The following CCDC171 variants were observed in gnomAD, a reference collection of about 807,000 sequenced individuals.
CCDC171 encodes coiled-coil domain-containing protein 171.
A neutral mutation model predicts 168.2 loss-of-function variants in CCDC171; 177 were observed. The observed-to-expected ratio is 1.05, with a 90% CI of 0.93 to 1.19. The LOEUF (loss-of-function observed/expected upper bound fraction) is 1.19, where lower values mean the gene tolerates loss of function less well. CCDC171 is among the 50% of genes most tolerant of loss of function. The pLI is 0.00. For synonymous variants in CCDC171, 687 were observed against 540.8 expected (o/e 1.27, Z -3.75); for missense variants, 1,991 against 1,539.0 (o/e 1.29, Z -4.91).
intron 25 of CCDC171, among the ~76,000 whole-genome samples, chr9:15,931,456 C>CTTTTTTTTTTTT (rs57124025): frequency 3.0e-3 from 136 of 44,922 alleles, no homozygotes; most frequent in Non-Finnish European, 3.5e-3. Context: ...TTCTTTCTTT[C>CTTTTTTTTTTTT]TTTTTTTTTT....
At chr9:15,599,216 A>G (rs1045414548) in intron 6 of CCDC171, among the ~76,000 whole-genome samples, 10 of 152,102 alleles carry the variant, frequency 6.6e-5, no homozygotes, top group Non-Finnish European at 1.5e-4. Context: ...TATTTTGCTC[A>G]TTAGTTGATG....
chr9:16,108,012 T>C, the CCDC171 span, among the ~76,000 whole-genome samples: 1 of 152,192 alleles, frequency 6.6e-6, no homozygotes, highest in Non-Finnish European at 1.5e-5. Context: ...AATAAAAAAA[T>C]ACATTGTTGC....
chr9:15,611,457 T>G (rs891960820), intron 6 of CCDC171, among the ~76,000 whole-genome samples: 2 of 152,178 alleles, frequency 1.3e-5, no homozygotes, highest in African/African-American at 4.8e-5. Flanking sequence ...TTAGGGAACC[T>G]TACGATGTCT....
chr9:15,878,787 C>A (rs1818208588), intron 24 of CCDC171, among the ~76,000 whole-genome samples: 1 of 152,130 alleles, frequency 6.6e-6, no homozygotes, highest in Non-Finnish European at 1.5e-5. Flanking sequence ...CCATGGAATA[C>A]TATACAACCA....
intron 24 of CCDC171, among the ~76,000 whole-genome samples, chr9:15,892,782 G>T (rs957865953): frequency 6.6e-6 from 1 of 151,984 alleles, no homozygotes; most frequent in Non-Finnish European, 1.5e-5. Context: ...AAAGAAATCA[G>T]AAAGGACACA....
chr9:15,908,663 G>C (rs1823128544), intron 24 of CCDC171, among the ~76,000 whole-genome samples: 1 of 152,100 alleles, frequency 6.6e-6, no homozygotes, highest in Admixed American at 6.6e-5. Context: ...AAAAAAAAGA[G>C]AAATATCTGA....
chr9:15,792,047 C>T (rs1430737917), intron 21 of CCDC171, among the ~76,000 whole-genome samples: 2 of 152,092 alleles, frequency 1.3e-5, no homozygotes, highest in Non-Finnish European at 2.9e-5. Flanking sequence ...GAAGTTGGAA[C>T]CCATCGCAAA....
intron 25 of CCDC171, among the ~76,000 whole-genome samples, chr9:15,950,394 A>G (rs1828993441): frequency 6.6e-6 from 1 of 152,182 alleles, no homozygotes; most frequent in South Asian, 2.1e-4. Flanking sequence ...GTTACCCACA[A>G]GAGAAGCCCA....
At chr9:15,779,742 T>C (rs2057559119) in intron 20 of CCDC171, among the ~76,000 whole-genome samples, 1 of 152,240 alleles carries the variant, frequency 6.6e-6, no homozygotes, top group Admixed American at 6.5e-5. Flanking sequence ...AAATGTTCAA[T>C]TTATCTAACG....
intron 24 of CCDC171, 196 bp downstream of exon 24, chr9:15,874,859 T>A: frequency 2.3e-6 from 1 of 441,652 alleles, no homozygotes; most frequent in Non-Finnish European, 3.6e-6. Context: ...AGAACTAGCC[T>A]ATTAAAATAA....
downstream of CCDC171, among the ~76,000 whole-genome samples, chr9:16,063,309 G>A (rs1323767211): frequency 1.3e-5 from 2 of 152,212 alleles, no homozygotes; most frequent in Admixed American, 6.5e-5. Flanking sequence ...ACTACCTGGC[G>A]GGCAGGTGGG....
In CCDC171 at chr9:16,049,488, C is replaced by T. The variant is rs541336998; in HGVS notation, n.89+6602C>T. On this transcript the variant is annotated intron_variant and non_coding_transcript_variant, in intron 1 of 1. Coordinates refer to the CCDC171 transcript ENST00000478913. ...CAGCCAGGAGCCTAAAGAGAACAAACACAGAAGGCAAACTGGTCTTTCTCT... is the reference window on the plus strand; with the variant it reads ...CAGCCAGGAGCCTAAAGAGAACAAATACAGAAGGCAAACTGGTCTTTCTCT... Among the ~76,000 whole-genome samples the T allele has an allele frequency of 7.9e-5, 12 of 152,310 alleles. No individual in the cohort carries two copies. In the East Asian group the frequency reaches 2.1e-3, roughly 27 times the overall value.
intron 11 of CCDC171, among the ~76,000 whole-genome samples, chr9:15,706,221 C>CTTCT (rs978875656): frequency 1.9e-4 from 28 of 145,148 alleles, no homozygotes; most frequent in African/African-American, 7.5e-4. Flanking sequence ...TGTAGTCTTC[C>CTTCT]TTCCTTCCTT....
At chr9:15,802,788 G>C (rs1320564998) in intron 21 of CCDC171, among the ~76,000 whole-genome samples, 3 of 152,172 alleles carry the variant, frequency 2.0e-5, no homozygotes, top group East Asian at 1.9e-4. Context: ...TGAGACTGCT[G>C]AGTTAAATGG....
At chr9:15,599,010 C>T (rs1398026923) in intron 6 of CCDC171, among the ~76,000 whole-genome samples, 1 of 152,110 alleles carries the variant, frequency 6.6e-6, no homozygotes, top group African/African-American at 2.4e-5. Flanking sequence ...GGTGGATCTT[C>T]CTCCATCGCT....
intron 23 of CCDC171, among the ~76,000 whole-genome samples, chr9:15,856,757 T>A (rs2061362091): frequency 6.6e-6 from 1 of 152,030 alleles, no homozygotes; most frequent in African/African-American, 2.4e-5. Context: ...GTAGTTCTAA[T>A]TTTAACTTTT....
chr9:15,750,650 T>C (rs1305571168), intron 18 of CCDC171, among the ~76,000 whole-genome samples: 1 of 152,092 alleles, frequency 6.6e-6, no homozygotes, highest in Non-Finnish European at 1.5e-5. Context: ...ACATAATCCA[T>C]CACAGAAACA....
intron 3 of CCDC171, among the ~76,000 whole-genome samples, chr9:15,983,203 T>G (rs1011488367): frequency 6.6e-6 from 1 of 152,140 alleles, no homozygotes; most frequent in African/African-American, 2.4e-5. Context: ...CTGAACATTT[T>G]TTAAGGTTAT....
intron 21 of CCDC171, among the ~76,000 whole-genome samples, chr9:15,823,706 C>G (rs1294444715): frequency 1.3e-5 from 2 of 152,012 alleles, no homozygotes; most frequent in East Asian, 1.9e-4. Flanking sequence ...GGGCCCTTCA[C>G]AGTTTTAAAG....
Sources: gnomAD v4.1 joint callset for allele counts (sites outside exome capture counted in the v4.1 genomes callset) on GRCh38, gnomAD v4.1.1 for gene constraint, MANE v1.5 for transcripts, NCBI Gene and HGNC (gene_info 2026-07-23, HGNC 2026-07-21) for gene names.